ADAMTSL3: variants seen among roughly 807,000 people sequenced by gnomAD.
The protein encoded by ADAMTSL3 is ADAMTS like 3.
ADAMTSL3 carries 128 observed loss-of-function variants against 201.7 expected under a neutral mutation model. The observed-to-expected ratio is 0.63, with a 90% confidence interval of 0.55 to 0.73. The LOEUF is 0.73. Ranked by LOEUF, ADAMTSL3 falls within the 30% of genes least tolerant of loss-of-function variation. ADAMTSL3 has a pLI of 0.00. For missense variants in ADAMTSL3, 1,990 were observed against 2,119.6 expected, an observed-to-expected ratio of 0.94 and a Z score of 1.20; for synonymous variants, 738 against 748.4, an observed-to-expected ratio of 0.99 and a Z score of 0.23.
At chr15:83,929,064 C>T (rs2066300023) in intron 17 of ADAMTSL3, among the ~76,000 whole-genome samples, 1 of 152,230 alleles carries the variant, frequency 6.6e-6, no homozygotes. Flanking sequence ...CTGCTCTGAT[C>T]CATGTGCACA....
chr15:83,823,990 C>CCTCCTT (rs2063957633), intron 6 of ADAMTSL3, among the ~76,000 whole-genome samples: 1 of 144,906 alleles, frequency 6.9e-6, no homozygotes, highest in Non-Finnish European at 1.5e-5. Flanking sequence ...TCCTCCTCCT[C>CCTCCTT]CTTCTCCTTC....
At chr15:83,962,375 A>G (rs2066989762) in intron 19 of ADAMTSL3, 1 of 152,208 alleles carries the variant, frequency 6.6e-6, no homozygotes, top group Non-Finnish European at 1.5e-5. Flanking sequence ...AAGTCAATAA[A>G]TACTCTCCTA....
At chr15:83,820,073 C>CAAAGCAGGGGAT in intron 6 of ADAMTSL3, 26 bp downstream of exon 6, 1 of 1,584,426 alleles carries the variant, frequency 6.3e-7, no homozygotes, top group Non-Finnish European at 8.7e-7. Context: ...TCCCAATCCC[C>CAAAGCAGGGGAT]TGCTTTGGGG....
chr15:83,914,262 G>A (rs1298638095), intron 16 of ADAMTSL3, among the ~76,000 whole-genome samples: 1 of 152,134 alleles, frequency 6.6e-6, no homozygotes, highest in Non-Finnish European at 1.5e-5. Flanking sequence ...CTTGGCTCAA[G>A]ATCATGCTTT....
Position 83,886,747 on chromosome 15 carries a change from G to A in ADAMTSL3, c.1072+1535G>A, listed in dbSNP as rs151050633. 4.7e-3 allele frequency among the ~76,000 whole-genome samples: 719 copies of A among 152,228 alleles called. 3 individuals are homozygous for A. Among genetic ancestry groups the A allele is most frequent in the Middle Eastern group, 0.02 (6 of 294 alleles). On this transcript the variant is annotated intron_variant, in intron 10 of 29. Transcript: ENST00000286744. The stretch of plus-strand genomic sequence containing the variant: ...ACTGGCCTTTCTCCTTTAAACTACA[G>A]GTATATGAAGGAGGGCTCTTCAGTC...
intron 17 of ADAMTSL3, among the ~76,000 whole-genome samples, chr15:83,929,053 C>G (rs2066299834): frequency 6.6e-6 from 1 of 152,212 alleles, no homozygotes; most frequent in East Asian, 1.9e-4. Context: ...TCTCCTGTTT[C>G]CTGCTCTGAT....
chr15:83,683,189 T>C (rs940800031), intron 2 of ADAMTSL3, among the ~76,000 whole-genome samples: 1 of 152,232 alleles, frequency 6.6e-6, no homozygotes, highest in African/African-American at 2.4e-5. Flanking sequence ...GCCATGAAGA[T>C]AGGTATTACT....
chr15:83,822,547 A>C lies in ADAMTSL3; in HGVS notation c.600+2500A>C, dbSNP rs1376133449. On this transcript the variant is annotated intron_variant, in intron 6 of 29. Coordinates refer to ENST00000286744, the MANE Select transcript of ADAMTSL3 (RefSeq NM_207517.3). ...GCGGCCGGGTAGAGGCGCTCCTCAC[A>C]TCCCAGACGGGGCGGCGGGGCAGAG... Among the ~76,000 whole-genome samples the C allele has an allele frequency of 1.2e-3, 137 of 119,104 alleles. 1 individual carries two copies. Among genetic ancestry groups the C allele is most frequent in the African/African-American group, 4.5e-3 (130 of 28,858 alleles). The allele number at this position is 119,104 out of a possible 152,430, so 78.1% of individuals were successfully genotyped here.
intron 8 of ADAMTSL3, among the ~76,000 whole-genome samples, chr15:83,861,118 G>A (rs982848902): frequency 6.6e-6 from 1 of 152,208 alleles, no homozygotes; most frequent in African/African-American, 2.4e-5. Flanking sequence ...GAGGCTGGGG[G>A]AGGGGCACCC....
rs187917260 is a variant in ADAMTSL3, at chr15:83,900,019, G to A, written c.1700+288G>A. ...CTGGGGATAATTTCTAGGTTTTAAC[G>A]CATGTGATTTGACCATGAACCATCA... On this transcript the variant is annotated intron_variant, in intron 15 of 29. Coordinates refer to ENST00000286744, the MANE Select transcript of ADAMTSL3 (RefSeq NM_207517.3). Among the ~76,000 whole-genome samples, 16 of 152,266 alleles carry A rather than the reference G, an allele frequency of 1.1e-4. No homozygotes were observed. In the East Asian group the frequency reaches 1.9e-3, roughly 18 times the overall value.
At chr15:83,783,590 G>C (rs2141798070) in intron 4 of ADAMTSL3, among the ~76,000 whole-genome samples, 1 of 151,998 alleles carries the variant, frequency 6.6e-6, no homozygotes, top group East Asian at 1.9e-4. Flanking sequence ...AAGAAAATTG[G>C]TATACCTATA....
At chr15:83,871,472 C>T (rs540201634) in intron 9 of ADAMTSL3, among the ~76,000 whole-genome samples, 16 of 152,322 alleles carry the variant, frequency 1.1e-4, no homozygotes, top group African/African-American at 3.4e-4. Context: ...GAGACAACAG[C>T]GGCTCATTCC....
At chr15:83,899,841 T>G in intron 15 of ADAMTSL3, 110 bp downstream of exon 15, 2 of 1,388,530 alleles carry the variant, frequency 1.4e-6, no homozygotes, top group Non-Finnish European at 1.9e-6. Flanking sequence ...CCAAATGACC[T>G]GGATTTACAG....
intron 25 of ADAMTSL3, among the ~76,000 whole-genome samples, chr15:84,017,396 C>T (rs537076724): frequency 2.6e-5 from 4 of 152,274 alleles, no homozygotes; most frequent in East Asian, 3.9e-4. Context: ...AGATTACAGG[C>T]GTGAGCCACT....
intron 6 of ADAMTSL3, among the ~76,000 whole-genome samples, chr15:83,832,265 C>T (rs2064171884): frequency 7.0e-6 from 1 of 142,440 alleles, no homozygotes; most frequent in South Asian, 2.1e-4. Flanking sequence ...CTACTCGCCA[C>T]CCCCTGTTCT....
chr15:83,790,689 T>C (rs1384195588), intron 4 of ADAMTSL3, among the ~76,000 whole-genome samples: 1 of 152,166 alleles, frequency 6.6e-6, no homozygotes, highest in Non-Finnish European at 1.5e-5. Context: ...TCACCACTCT[T>C]ACCATAGGAG....
chr15:83,771,294 A>T (rs527304715), intron 3 of ADAMTSL3, among the ~76,000 whole-genome samples: 1 of 150,166 alleles, frequency 6.7e-6, no homozygotes, highest in Non-Finnish European at 1.5e-5. Flanking sequence ...GTTTAAAAAA[A>T]CTTGTAACAT....
chr15:83,792,480 G>A (rs960218964), intron 4 of ADAMTSL3, among the ~76,000 whole-genome samples: 6 of 152,102 alleles, frequency 3.9e-5, no homozygotes, highest in South Asian at 4.1e-4. Flanking sequence ...CAGTATAAGC[G>A]TTCCTCAAGA....
chr15:83,739,754 C>CAGTG (rs1317344355), intron 3 of ADAMTSL3: 1 of 472,786 alleles, frequency 2.1e-6, no homozygotes, highest in African/African-American at 1.9e-5. Context: ...TCACCTCCTC[C>CAGTG]AGTGCCAAGG....
Sources: allele counts gnomAD v4.1 joint callset (sites outside exome capture counted in the v4.1 genomes callset), GRCh38; gene constraint gnomAD v4.1.1; transcripts MANE v1.5; gene names NCBI Gene and HGNC (gene_info 2026-07-23, HGNC 2026-07-21).